FANCI: variants seen among roughly 807,000 people sequenced by gnomAD.
FANCI encodes the protein FA complementation group I.
A neutral mutation model predicts 176.1 loss-of-function variants in FANCI; 156 were observed. The observed-to-expected ratio is 0.89, with a 90% CI of 0.78 to 1.01. FANCI has a LOEUF of 1.01. Among genes scored for constraint, FANCI ranks in the 50% least tolerant of loss-of-function variants. FANCI has a pLI of 0.00. For synonymous variants in FANCI, 613 were observed against 541.7 expected, an observed-to-expected ratio of 1.13 and a Z score of -1.83; for missense variants, 1,678 against 1,534.1, an observed-to-expected ratio of 1.09 and a Z score of -1.57.
In FANCI at chr15:89,276,556, A is replaced by G. The variant is rs139930032; in HGVS notation, c.1113-155A>G. Among the ~76,000 whole-genome samples, 38 of 152,340 alleles carry G rather than the reference A, an allele frequency of 2.5e-4. No individual in the cohort carries two copies. The East Asian group carries it at 7.3e-3, about 29-fold the overall frequency. ...ATTATGGTACATTTAGGAATTCAGA[A>G]TTCTGTCAGACGATGTGTGTAAAGA... On this transcript the variant is annotated intron_variant, in intron 12 of 37. Transcript: ENST00000310775.
At chr15:89,245,568 T>C (rs962273880) in intron 1 of FANCI, among the ~76,000 whole-genome samples, 2 of 151,590 alleles carry the variant, frequency 1.3e-5, no homozygotes, top group East Asian at 1.9e-4. Context: ...TAATAAAAGA[T>C]TGGGGGGCAG....
intron 9 of FANCI, among the ~76,000 whole-genome samples, chr15:89,265,179 G>A (rs145876483): frequency 6.6e-6 from 1 of 152,218 alleles, no homozygotes; most frequent in East Asian, 1.9e-4. Flanking sequence ...TGACATGTCT[G>A]AGAAAGAGGA....
intron 27 of FANCI, 90 bp from the exon 28 acceptor site, chr15:89,303,774 A>G: frequency 9.0e-7 from 1 of 1,113,506 alleles, no homozygotes; most frequent in Non-Finnish European, 1.4e-6. Flanking sequence ...ATTTGCTTAG[A>G]TATGGAAAGG....
At chr15:89,311,877 G>T (rs561855665) in intron 34 of FANCI, among the ~76,000 whole-genome samples, 1 of 152,140 alleles carries the variant, frequency 6.6e-6, no homozygotes, top group Non-Finnish European at 1.5e-5. Context: ...CTACATTTCT[G>T]TACCGTACCT....
In FANCI at chr15:89,316,998, G is replaced by A; in HGVS notation, c.*539G>A. 2 of 647,320 alleles carry A rather than the reference G, an allele frequency of 3.1e-6. No homozygotes were observed. Among genetic ancestry groups the A allele is most frequent in the African/African-American group, 1.8e-5 (1 of 54,772 alleles). 40.1% of individuals were successfully genotyped at this position (647,320 alleles called of 1,614,324 possible). ...GAGGGTCTGTTTTCTTTTTATATAA[G>A]TGTGTCTTAGATATATTTTAAATAG... is the stretch of plus-strand genomic sequence containing the variant. On this transcript the variant is annotated 3_prime_UTR_variant, in exon 38 of 38. Transcript: ENST00000310775.
At chr15:89,297,373 G>A (rs1280403474) in intron 24 of FANCI, among the ~76,000 whole-genome samples, 6 of 152,144 alleles carry the variant, frequency 3.9e-5, no homozygotes, top group Admixed American at 3.9e-4. Context: ...GCTGGGCAGA[G>A]GCTGCAATCT....
chr15:89,306,844 A>G lies in FANCI; in HGVS notation c.3538-632A>G, dbSNP rs2238302. Among the ~76,000 whole-genome samples the G allele has an allele frequency of 2.9e-3, 444 of 152,304 alleles. 6 individuals carry two copies. The East Asian group carries it at 0.046, about 16-fold the overall frequency. On this transcript the variant is annotated intron_variant, in intron 32 of 37. Coordinates refer to ENST00000310775, the MANE Select transcript of FANCI (RefSeq NM_001113378.2). The stretch of plus-strand genomic sequence containing the variant: ...ATCCTAGAATTAAATCTGGGCCCAT[A>G]ATGCATAGAAATTATACCATTTCTA...
chr15:89,263,518 G>A (rs1347895742), intron 7 of FANCI, 58 bp downstream of exon 7: 4 of 1,377,694 alleles, frequency 2.9e-6, no homozygotes, highest in Middle Eastern at 1.8e-4. Flanking sequence ...TTACTTGCTA[G>A]AAATTAAACT....
chr15:89,293,865 T>A lies in FANCI; in HGVS notation c.2324T>A (p.Phe775Tyr). The part of the protein sequence containing the change: ...KNRFEDILSL[F>Y]MCYKKLSDIL... ...AGGTTTGAGGACATTCTGAGCTTAT[T>A]TATGTGTTACAAAAAACTCTCTGAC... The change falls in exon 23 of 38, where the codon TTT (phenylalanine) becomes TAT (tyrosine). Residue 775 changes from phenylalanine (F) to tyrosine (Y), a missense_variant. Phe to Tyr is a conservative substitution (Grantham distance 22, BLOSUM62 3). This residue lies in a region of FANCI where 1,204 missense variants were observed against 1,077.4 expected (regional missense o/e 1.12). Transcript: ENST00000310775. The A allele has an allele frequency of 6.2e-7, 1 of 1,614,136 alleles. No individual in the cohort carries two copies. Among genetic ancestry groups the A allele is most frequent in the Admixed American group, 1.7e-5 (1 of 60,016 alleles).
In FANCI at chr15:89,316,514, C is replaced by G. The variant is rs2055270079; in HGVS notation, c.*55C>G. ...GGGCTTCTGCTTCATTTTTACCCAA[C>G]AAGCAACAATGCCCCTTGTCCTGTA... On this transcript the variant is annotated 3_prime_UTR_variant, in exon 38 of 38. Transcript: ENST00000310775. 2.6e-6 allele frequency: 4 copies of G among 1,539,758 alleles called. No homozygotes were observed. In the African/African-American group the frequency reaches 4.1e-5, roughly 16 times the overall value.
chr15:89,307,746 A>T (rs1198297662), intron 34 of FANCI, 74 bp downstream of exon 34: 14 of 1,612,762 alleles, frequency 8.7e-6, no homozygotes, highest in Non-Finnish European at 1.0e-5. Flanking sequence ...ACTATTGATC[A>T]CCTGAACTGA....
chr15:89,288,417 A>G (rs1328608227), intron 18 of FANCI, among the ~76,000 whole-genome samples: 1 of 152,156 alleles, frequency 6.6e-6, no homozygotes, highest in Non-Finnish European at 1.5e-5. Flanking sequence ...ACCTATTAGA[A>G]TATTGCTGTT....
At chr15:89,306,885 TA>T (rs1022070608) in intron 32 of FANCI, among the ~76,000 whole-genome samples, 1 of 152,188 alleles carries the variant, frequency 6.6e-6, no homozygotes, top group African/African-American at 2.4e-5. Flanking sequence ...TCTGGACACT[TA>T]AAGAGATGTT....
chr15:89,280,523 T>C (rs958766191), intron 14 of FANCI, among the ~76,000 whole-genome samples: 1 of 152,226 alleles, frequency 6.6e-6, no homozygotes, highest in African/African-American at 2.4e-5. Flanking sequence ...TAGGCCTTTC[T>C]GGTGCTTTGT....
chr15:89,295,739 C>T (rs1302378833), intron 24 of FANCI, among the ~76,000 whole-genome samples: 1 of 145,314 alleles, frequency 6.9e-6, no homozygotes, highest in Non-Finnish European at 1.5e-5. Context: ...GGCGCCCCCC[C>T]CACCTTTTTT....
rs756281714 is a variant in FANCI at position 89,315,345 on chromosome 15, C to T, written c.3880C>T (p.Leu1294=). 1 of 1,613,954 alleles carries T rather than the reference C, an allele frequency of 6.2e-7. No homozygotes were observed. The highest frequency in any genetic ancestry group is 2.2e-5 in the East Asian group (1 of 44,892). The change falls in exon 37 of 38, where the codon CTA becomes TTA. Residue 1294 remains leucine (L), a synonymous_variant. Transcript: ENST00000310775. ...SRDFKIKGNI[L]DMVLREDGED... ...AGACTTCAAGATCAAAGGAAACATC[C>T]TAGACATGGTTCTTCGAGAGGATGG...
intron 2 of FANCI, among the ~76,000 whole-genome samples, chr15:89,257,961 TA>T (rs1435668824): frequency 6.6e-6 from 1 of 152,236 alleles, no homozygotes; most frequent in Non-Finnish European, 1.5e-5. Context: ...AGAGAAAAGC[TA>T]AACTTCCTAC....
chr15:89,278,896 C>A, intron 14 of FANCI, 122 bp downstream of exon 14: 2 of 721,438 alleles, frequency 2.8e-6, no homozygotes, highest in Non-Finnish European at 2.4e-6. Context: ...TGATAGGATG[C>A]CAATAAAGGA....
chr15:89,259,362 A>G (rs989117645), intron 3 of FANCI: 1 of 154,510 alleles, frequency 6.5e-6, no homozygotes, highest in Non-Finnish European at 1.4e-5. Context: ...CAAGTAAATT[A>G]GATCTCTGCT....
Sources: allele counts gnomAD v4.1 joint callset (sites outside exome capture counted in the v4.1 genomes callset), GRCh38; gene constraint gnomAD v4.1.1; regional missense constraint gnomAD v4.1.1; transcripts MANE v1.5; gene names NCBI Gene and HGNC (gene_info 2026-07-23, HGNC 2026-07-21).